Variants in PID1 observed in about 807,000 individuals in gnomAD.
The protein encoded by PID1 is phosphotyrosine interaction domain containing 1.
PID1 carries 10 observed loss-of-function variants against 19.1 expected under a neutral mutation model. The observed-to-expected ratio is 0.52, with a 90% CI of 0.32 to 0.89. The LOEUF is 0.89. PID1 is among the 40% of genes least tolerant of loss of function. The pLI, the probability that PID1 is intolerant of heterozygous loss-of-function variation, is 0.03. For synonymous variants in PID1, 130 were observed against 116.0 expected (o/e 1.12, Z -0.78); for missense variants, 248 against 285.3 (o/e 0.87, Z 0.94).
chr2:229,062,448 C>T (rs1037943758), intron 2 of PID1, among the ~76,000 whole-genome samples: 2 of 151,874 alleles, frequency 1.3e-5, no homozygotes, highest in Non-Finnish European at 2.9e-5. Context: ...ATAAATCCTG[C>T]TTGATCACAT....
chr2:229,253,938 G>A (rs960593085), intron 1 of PID1, among the ~76,000 whole-genome samples: 2 of 152,178 alleles, frequency 1.3e-5, no homozygotes, highest in African/African-American at 4.8e-5. Context: ...AGAGGGAGAG[G>A]ATACAGCTCA....
chr2:229,183,878 CTATATATATATATA>C lies in PID1; in HGVS notation c.31-27928_31-27915del, dbSNP rs148369137. On this transcript the variant is annotated intron_variant, in intron 1 of 2. Transcript: ENST00000392055. ...CTCTCTCTCCTCACTCTCTCTCTTT[CTATATATATATATA>C]TATATATATATATATATATCCCCTA... 2.3e-3 allele frequency among the ~76,000 whole-genome samples: 43 copies of C among 18,722 alleles called. 17 individuals are homozygous for C. Among genetic ancestry groups the C allele is most frequent in the East Asian group, 2.7e-3 (2 of 744 alleles). 12.3% of individuals were successfully genotyped at this position (18,722 alleles called of 152,430 possible).
chr2:229,219,808 A>T (rs764279841), intron 1 of PID1, among the ~76,000 whole-genome samples: 1 of 151,870 alleles, frequency 6.6e-6, no homozygotes, highest in Non-Finnish European at 1.5e-5. Context: ...GGCATGAGCC[A>T]CTGTGCCTGG....
At chr2:229,175,639 A>G (rs1314138089) in intron 1 of PID1, among the ~76,000 whole-genome samples, 1 of 152,200 alleles carries the variant, frequency 6.6e-6, no homozygotes, top group Non-Finnish European at 1.5e-5. Flanking sequence ...AACATTTTCA[A>G]ATGCAAGTGG....
At chr2:229,149,932 G>A (rs901242944) in intron 2 of PID1, among the ~76,000 whole-genome samples, 1 of 152,028 alleles carries the variant, frequency 6.6e-6, no homozygotes, top group African/African-American at 2.4e-5. Context: ...AGAAAGGAAG[G>A]GGAGCACAAA....
At chr2:229,109,770 C>T (rs563203635) in intron 2 of PID1, among the ~76,000 whole-genome samples, 1 of 152,206 alleles carries the variant, frequency 6.6e-6, no homozygotes, top group East Asian at 1.9e-4. Context: ...ATGTATGAAC[C>T]CAACAGATCC....
At chr2:229,076,140 C>T (rs1052062842) in intron 2 of PID1, among the ~76,000 whole-genome samples, 3 of 152,132 alleles carry the variant, frequency 2.0e-5, no homozygotes, top group African/African-American at 7.2e-5. Context: ...AGTTTCCTTG[C>T]GTAGGGCCCA....
chr2:229,239,296 T>C (rs1689806659), intron 1 of PID1, among the ~76,000 whole-genome samples: 1 of 152,072 alleles, frequency 6.6e-6, no homozygotes, highest in South Asian at 2.1e-4. Context: ...ACCACTGCTG[T>C]AGAAGAAGTT....
chr2:229,064,156 A>T (rs1351087505), intron 2 of PID1, among the ~76,000 whole-genome samples: 1 of 152,154 alleles, frequency 6.6e-6, no homozygotes, highest in Non-Finnish European at 1.5e-5. Flanking sequence ...TTTCAGGAAG[A>T]TCCTTCTGAA....
chr2:229,270,878 GCAT>G (rs1405036044), intron 1 of PID1, 133 bp downstream of exon 1: 2 of 703,066 alleles, frequency 2.8e-6, no homozygotes, highest in African/African-American at 1.9e-5. Flanking sequence ...TAAACCGACA[GCAT>G]CATGTTGCCA....
At chr2:229,234,470 T>C (rs1170791001) in intron 1 of PID1, among the ~76,000 whole-genome samples, 1 of 152,134 alleles carries the variant, frequency 6.6e-6, no homozygotes, top group Non-Finnish European at 1.5e-5. Context: ...TTCTGGTAGC[T>C]TAAAAAGGCA....
chr2:229,219,890 T>C (rs1174131921), intron 1 of PID1, among the ~76,000 whole-genome samples: 1 of 152,038 alleles, frequency 6.6e-6, no homozygotes, highest in Non-Finnish European at 1.5e-5. Context: ...AGGAAGACAC[T>C]TGTCTAAGGT....
At chr2:229,242,793 C>G (rs920272204) in intron 1 of PID1, among the ~76,000 whole-genome samples, 1 of 152,062 alleles carries the variant, frequency 6.6e-6, no homozygotes, top group African/African-American at 2.4e-5. Context: ...AAATGAAGTC[C>G]ATGCTCAGTA....
chr2:229,255,174 C>T (rs956007613), intron 1 of PID1, among the ~76,000 whole-genome samples: 3 of 152,176 alleles, frequency 2.0e-5, no homozygotes, highest in African/African-American at 7.2e-5. Context: ...CTGGAATGCA[C>T]ACAGCATCCG....
At chr2:229,154,888 C>A (rs1019971957) in intron 2 of PID1, among the ~76,000 whole-genome samples, 6 of 152,256 alleles carry the variant, frequency 3.9e-5, no homozygotes, top group African/African-American at 1.4e-4. Context: ...TTCATCAACT[C>A]AAGCAAAAGA....
chr2:229,203,389 T>C (rs1691539682), intron 1 of PID1, among the ~76,000 whole-genome samples: 1 of 152,064 alleles, frequency 6.6e-6, no homozygotes, highest in African/African-American at 2.4e-5. Flanking sequence ...AACTGCAACT[T>C]TAAGCGAAAC....
At chr2:229,151,833 G>A (rs1230269028) in intron 2 of PID1, among the ~76,000 whole-genome samples, 5 of 152,126 alleles carry the variant, frequency 3.3e-5, no homozygotes, top group Non-Finnish European at 7.4e-5. Context: ...GCCTCCCAAA[G>A]TGCTGGGATT....
chr2:229,185,082 C>CCTATATATATCCTATATATATCCCATAT (rs1559275365), intron 1 of PID1, among the ~76,000 whole-genome samples: 1 of 142,526 alleles, frequency 7.0e-6, no homozygotes, highest in Non-Finnish European at 1.5e-5. Context: ...ATATATCCTA[C>CCTATATATATCCTATATATATCCCATAT]ATATATATCC....
intron 1 of PID1, among the ~76,000 whole-genome samples, chr2:229,197,949 G>A (rs1004480475): frequency 3.3e-5 from 5 of 151,856 alleles, no homozygotes; most frequent in African/African-American, 1.2e-4. Context: ...TTAGTATTCC[G>A]GCTCAAAACC....
Sources: gnomAD v4.1 joint callset for allele counts (sites outside exome capture counted in the v4.1 genomes callset) on GRCh38, gnomAD v4.1.1 for gene constraint, MANE v1.5 for transcripts, NCBI Gene and HGNC (gene_info 2026-07-23, HGNC 2026-07-21) for gene names.